Variants in PMPCB observed in about 807,000 individuals in gnomAD.
The protein encoded by PMPCB is mitochondrial-processing peptidase subunit beta.
A neutral mutation model predicts 61.5 loss-of-function variants in PMPCB; 46 were observed. The ratio of observed to expected loss-of-function variants is 0.75; its 90% CI spans 0.59 to 0.96. PMPCB has a LOEUF of 0.96. Ranked by LOEUF, PMPCB falls within the 40% of genes least tolerant of loss-of-function variation. PMPCB has a pLI of 0.00. For synonymous variants in PMPCB, 191 were observed against 201.6 expected, an observed-to-expected ratio of 0.95 and a Z score of 0.44; for missense variants, 590 against 602.4, an observed-to-expected ratio of 0.98 and a Z score of 0.22.
intron 12 of PMPCB, among the ~76,000 whole-genome samples, chr7:103,325,196 C>A (rs897008363): frequency 6.6e-6 from 1 of 152,202 alleles, no homozygotes; most frequent in Non-Finnish European, 1.5e-5. Context: ...GTAATCCCAG[C>A]ACTTTGGGAG....
chr7:103,299,613 C>T (rs1377228041), intron 3 of PMPCB, 84 bp downstream of exon 3: 2 of 728,728 alleles, frequency 2.7e-6, no homozygotes, highest in East Asian at 2.7e-5. Context: ...AGGGAGAGCT[C>T]TTTCAGTAGT....
the PMPCB span, chr7:103,344,484 C>T: frequency 6.4e-7 from 1 of 1,553,308 alleles, no homozygotes; most frequent in African/African-American, 1.4e-5. Flanking sequence ...TAGAGAGAGC[C>T]CAGGGTTGCC....
At chr7:103,327,785 T>C (rs1818784558) in intron 12 of PMPCB, 2 of 1,487,168 alleles carry the variant, frequency 1.3e-6, no homozygotes, top group Non-Finnish European at 1.9e-6. Context: ...AGATAATTTG[T>C]CACTTTAAGC....
At chr7:103,345,455 G>A in the PMPCB span, among the ~76,000 whole-genome samples, 1 of 151,756 alleles carries the variant, frequency 6.6e-6, no homozygotes, top group African/African-American at 2.4e-5. Context: ...ACAAACAGTG[G>A]GTAAAGGCTC....
rs761908434 is a variant in PMPCB, at chr7:103,321,953, T to C, written c.*1432-6978T>C. 4 of 1,613,596 alleles carry C rather than the reference T, an allele frequency of 2.5e-6. No homozygotes were observed. In the South Asian group the frequency reaches 4.4e-5, roughly 18 times the overall value. ...ATACCTTGCATGAGTTTCGAAGTTT[T>C]TGCCTTTCCTTCTTAATGGCTTTTT... On this transcript the variant is annotated intron_variant and NMD_transcript_variant, in intron 12 of 12. Transcript: ENST00000444457.
chr7:103,298,416 C>A, intron 1 of PMPCB, 152 bp from the exon 2 acceptor site: 1 of 743,552 alleles, frequency 1.3e-6, no homozygotes, highest in Non-Finnish European at 2.2e-6. Context: ...GTTTCTAGGC[C>A]AGGCAGAGAT....
chr7:103,318,954 A>C (rs566407443), downstream of PMPCB, among the ~76,000 whole-genome samples: 33 of 152,326 alleles, frequency 2.2e-4, no homozygotes. Context: ...ATGGTGGCTC[A>C]TGCCTATAAT....
At chr7:103,340,817 T>C in the PMPCB span, among the ~76,000 whole-genome samples, 1 of 152,198 alleles carries the variant, frequency 6.6e-6, no homozygotes, top group Non-Finnish European at 1.5e-5. Context: ...GGCTGTAACC[T>C]CTTTTTGGAG....
chr7:103,342,504 C>A, the PMPCB span, among the ~76,000 whole-genome samples: 1 of 151,940 alleles, frequency 6.6e-6, no homozygotes, highest in Non-Finnish European at 1.5e-5. Flanking sequence ...GGGGTTTCTC[C>A]ATGTTGGTCA....
At chr7:103,315,827 A>C, downstream of PMPCB, 1 of 1,613,784 alleles carries the variant, frequency 6.2e-7, no homozygotes, top group Non-Finnish European at 8.5e-7. Context: ...TCTTTTTTGA[A>C]CTTATCAAAT....
At chr7:103,342,522 C>A in the PMPCB span, among the ~76,000 whole-genome samples, 1 of 151,740 alleles carries the variant, frequency 6.6e-6, no homozygotes, top group South Asian at 2.1e-4. Flanking sequence ...TCAGCCTGGT[C>A]TCGAACTCCC....
the PMPCB span, chr7:103,337,773 C>T: frequency 5.0e-6 from 8 of 1,613,440 alleles, no homozygotes; most frequent in Non-Finnish European, 6.8e-6. Context: ...CCTTGTATCT[C>T]ACATGGCCAA....
chr7:103,333,503 C>T (rs559121064), downstream of PMPCB, among the ~76,000 whole-genome samples: 8 of 152,162 alleles, frequency 5.3e-5, no homozygotes, highest in South Asian at 2.1e-4. Context: ...TCTGATTCAG[C>T]GGAGATAAAA....
At chr7:103,337,604 T>G in the PMPCB span, 1 of 711,560 alleles carries the variant, frequency 1.4e-6, no homozygotes, top group Non-Finnish European at 2.3e-6. Context: ...TTTTTGCTTG[T>G]TATGACAATA....
chr7:103,337,916 C>A, the PMPCB span: 1 of 780,218 alleles, frequency 1.3e-6, no homozygotes, highest in Non-Finnish European at 2.1e-6. Context: ...GACATTTCAT[C>A]AGGAGTCCAG....
rs1444417758 is a variant in PMPCB at position 103,312,784 on chromosome 7, A to G, written c.*513A>G. The G allele has an allele frequency of 6.6e-7, 1 of 1,511,170 alleles. No individual in the cohort carries two copies. Among genetic ancestry groups the G allele is most frequent in the African/African-American group, 1.4e-5 (1 of 71,370 alleles). 93.6% of individuals were successfully genotyped at this position (1,511,170 alleles called of 1,614,324 possible). On this transcript the variant is annotated 3_prime_UTR_variant, in exon 13 of 13. Transcript: ENST00000249269. ...TTTCATTATCTGCCAGGGCCTAGAA[A>G]GTTTCTAAGGTTGCTCATTTCTTCC...
chr7:103,318,983 G>A (rs1270727198), downstream of PMPCB, among the ~76,000 whole-genome samples: 3 of 151,986 alleles, frequency 2.0e-5, no homozygotes, highest in Admixed American at 6.6e-5. Flanking sequence ...AGGCCAATGC[G>A]GACGGATCAC....
In PMPCB at chr7:103,307,796, G is replaced by C. The variant is rs758916451; in HGVS notation, c.849+88G>C. ...AGTAAACAAAATGTGCATATTTCCA[G>C]TAGGAAAAGAATGGAATAATAGGAA... On this transcript the variant is annotated intron_variant, in intron 7 of 12. Coordinates refer to ENST00000249269, the MANE Select transcript of PMPCB (RefSeq NM_004279.3). The C allele has an allele frequency of 5.2e-5, 38 of 737,620 alleles. No individual in the cohort carries two copies. In the East Asian group the frequency reaches 8.6e-4, roughly 17 times the overall value. The allele number at this position is 737,620 out of a possible 1,614,324, so 45.7% of individuals were successfully genotyped here. A position where few individuals can be genotyped will look rare whatever the true frequency, so the allele number is the denominator to read the frequency against.
rs1288111824 is a variant in PMPCB, at chr7:103,321,804, C to T, written c.*1432-7127C>T. On this transcript the variant is annotated intron_variant and NMD_transcript_variant, in intron 12 of 12. Coordinates refer to the PMPCB transcript ENST00000444457. The stretch of plus-strand genomic sequence containing the variant: ...CGGAAATTGCGGTGAACTGAGATCG[C>T]GCCACTGCACTCCAGCCTGGGCGAC... 1.9e-5 allele frequency: 19 copies of T among 1,015,538 alleles called. 1 individual carries two copies. In the Admixed American group the frequency reaches 2.0e-4, roughly 11 times the overall value. The allele number at this position is 1,015,538 out of a possible 1,614,324, so 62.9% of individuals were successfully genotyped here.
Sources: allele counts gnomAD v4.1 joint callset (sites outside exome capture counted in the v4.1 genomes callset), GRCh38; gene constraint gnomAD v4.1.1; transcripts MANE v1.5; gene names NCBI Gene and HGNC (gene_info 2026-07-23, HGNC 2026-07-21).